Variants in LIMS1 observed in about 807,000 individuals in gnomAD.
LIMS1 encodes LIM zinc finger domain containing 1.
Under a neutral mutation model 44.1 loss-of-function variants are expected in LIMS1, and 18 were observed. The ratio of observed to expected loss-of-function variants is 0.41; its 90% CI spans 0.28 to 0.61. LIMS1 has a LOEUF of 0.61. Ranked by LOEUF, LIMS1 falls within the 20% of genes least tolerant of loss-of-function variation. The probability of loss-of-function intolerance (pLI) is 0.32; values close to 1 mark genes in which losing one functional copy is unlikely to be tolerated. For missense variants in LIMS1, 201 were observed against 422.0 expected (o/e 0.48, Z 4.59); for synonymous variants, 93 against 149.1 (o/e 0.62, Z 2.74).
At chr2:108,618,314 A>G (rs1688039043) in intron 1 of LIMS1, among the ~76,000 whole-genome samples, 1 of 152,226 alleles carries the variant, frequency 6.6e-6, no homozygotes, top group African/African-American at 2.4e-5. Context: ...ATAGGGCCTG[A>G]TCTGAGAATT....
chr2:108,596,561 C>T (rs2438277), intron 1 of LIMS1, among the ~76,000 whole-genome samples: 29 of 152,382 alleles, frequency 1.9e-4, no homozygotes, highest in African/African-American at 6.0e-4. Context: ...GCATGGCACA[C>T]GCCTGTAATC....
intron 1 of LIMS1, among the ~76,000 whole-genome samples, chr2:108,649,755 G>A (rs1418751651): frequency 6.6e-6 from 1 of 152,066 alleles, no homozygotes; most frequent in Non-Finnish European, 1.5e-5. Flanking sequence ...TCTCATAAGT[G>A]GGAGTTGAAC....
At chr2:108,663,820 T>A (rs996574616) in intron 2 of LIMS1, among the ~76,000 whole-genome samples, 3 of 152,128 alleles carry the variant, frequency 2.0e-5, no homozygotes, top group African/African-American at 7.2e-5. Flanking sequence ...AAATGTGCGA[T>A]CTTGGCTCAC....
intron 1 of LIMS1, among the ~76,000 whole-genome samples, chr2:108,593,529 T>G (rs926389055): frequency 1.3e-5 from 2 of 152,238 alleles, no homozygotes; most frequent in Non-Finnish European, 2.9e-5. Flanking sequence ...GATATCCAGA[T>G]GCTAGATTAC....
chr2:108,676,546 T>A, intron 6 of LIMS1, 60 bp from the exon 7 acceptor site: 1 of 1,528,304 alleles, frequency 6.5e-7, no homozygotes. Flanking sequence ...ACTCTGGTAT[T>A]TACTTTATTA....
chr2:108,555,655 G>C (rs1304195283), intron 1 of LIMS1, among the ~76,000 whole-genome samples: 2 of 152,228 alleles, frequency 1.3e-5, no homozygotes, highest in Non-Finnish European at 2.9e-5. Context: ...TTACCCTGTG[G>C]TGATTATTCC....
At chr2:108,611,790 A>AT (rs1201771351) in intron 1 of LIMS1, among the ~76,000 whole-genome samples, 4 of 149,646 alleles carry the variant, frequency 2.7e-5, no homozygotes, top group African/African-American at 9.8e-5. Flanking sequence ...AGGTGGGAGG[A>AT]TTGCTTGAGC....
At chr2:108,614,373 G>T (rs537927753) in intron 1 of LIMS1, among the ~76,000 whole-genome samples, 6 of 152,142 alleles carry the variant, frequency 3.9e-5, no homozygotes, top group Non-Finnish European at 7.3e-5. Context: ...GCTGGGGAGG[G>T]TGTGGACACA....
chr2:108,543,221 A>G (rs1012384887), intron 1 of LIMS1, among the ~76,000 whole-genome samples: 1 of 152,188 alleles, frequency 6.6e-6, no homozygotes, highest in Non-Finnish European at 1.5e-5. Context: ...GCTTGAGCCC[A>G]GGAGTTCAAG....
intron 1 of LIMS1, among the ~76,000 whole-genome samples, chr2:108,584,938 G>A (rs1439250067): frequency 1.3e-5 from 2 of 151,990 alleles, no homozygotes; most frequent in Admixed American, 6.6e-5. Context: ...GATCATTTGA[G>A]GTCAGGAGTT....
intron 1 of LIMS1, among the ~76,000 whole-genome samples, chr2:108,637,099 A>ATGTGTGTGTGTGTGTGTGTG (rs74315160): frequency 2.0e-5 from 2 of 98,606 alleles, no homozygotes; most frequent in Admixed American, 2.4e-4. Context: ...ATATACATAT[A>ATGTGTGTGTGTGTGTGTGTG]TGTGTGTGTG....
intron 1 of LIMS1, among the ~76,000 whole-genome samples, chr2:108,573,050 T>C (rs1685540079): frequency 6.6e-6 from 1 of 152,220 alleles, no homozygotes; most frequent in Admixed American, 6.5e-5. Flanking sequence ...AGTCTATTGT[T>C]AAGTGACACT....
intron 1 of LIMS1, among the ~76,000 whole-genome samples, chr2:108,608,451 G>A (rs923623143): frequency 2.6e-5 from 4 of 151,668 alleles, no homozygotes; most frequent in African/African-American, 7.3e-5. Flanking sequence ...GACTATAGGC[G>A]CCCGCCACCA....
chr2:108,648,385 A>G (rs1372971524), intron 1 of LIMS1, among the ~76,000 whole-genome samples: 2 of 152,214 alleles, frequency 1.3e-5, no homozygotes, highest in South Asian at 4.1e-4. Flanking sequence ...TATACTGCCC[A>G]AAGTAATTTA....
At chr2:108,570,834 A>G (rs1685456318) in intron 1 of LIMS1, among the ~76,000 whole-genome samples, 1 of 152,178 alleles carries the variant, frequency 6.6e-6, no homozygotes, top group South Asian at 2.1e-4. Flanking sequence ...TGGAGGGGAA[A>G]GGGAGGCCAA....
chr2:108,671,923 T>C (rs1292883911), intron 3 of LIMS1, among the ~76,000 whole-genome samples: 1 of 152,208 alleles, frequency 6.6e-6, no homozygotes, highest in Non-Finnish European at 1.5e-5. Context: ...CTCACGCCTA[T>C]AATCCTAGCA....
Position 108,567,011 on chromosome 2 carries a change from A to G in LIMS1, c.32+32417A>G, listed in dbSNP as rs190774472. Among the ~76,000 whole-genome samples the G allele has an allele frequency of 5.0e-3, 756 of 152,324 alleles. 8 individuals are homozygous for G. Among genetic ancestry groups the G allele is most frequent in the Middle Eastern group, 0.017 (5 of 294 alleles). Reference sequence around the variant, plus strand: ...AGAACTGAAACTCTATATCCATTGAATAGCAACTCCTGCTTTATCCCCAGC... The same window carrying G: ...AGAACTGAAACTCTATATCCATTGAGTAGCAACTCCTGCTTTATCCCCAGC... On this transcript the variant is annotated intron_variant, in intron 1 of 9. Coordinates refer to ENST00000544547, the Ensembl canonical transcript of LIMS1.
intron 7 of LIMS1, 21 bp from the exon 8 acceptor site, chr2:108,677,958 A>G: frequency 1.9e-6 from 3 of 1,591,114 alleles, no homozygotes; most frequent in Non-Finnish European, 2.6e-6. Context: ...TTGAACTTTG[A>G]CCACCTTTTT....
At chr2:108,652,375 C>T (rs1320915015) in intron 1 of LIMS1, among the ~76,000 whole-genome samples, 4 of 150,098 alleles carry the variant, frequency 2.7e-5, no homozygotes, top group Non-Finnish European at 4.5e-5. Flanking sequence ...CAAGAGCAAA[C>T]TGGACATGTG....
Sources: allele counts gnomAD v4.1 joint callset (sites outside exome capture counted in the v4.1 genomes callset), GRCh38; gene constraint gnomAD v4.1.1; transcripts MANE v1.5; gene names NCBI Gene and HGNC (gene_info 2026-07-23, HGNC 2026-07-21).